Variants in YPEL2 observed in about 807,000 individuals in gnomAD.
The protein encoded by YPEL2 is yippee like 2.
In YPEL2, 2 loss-of-function variants were observed where a neutral mutation model predicts 19.1. That is an observed-to-expected ratio of 0.10 (90% CI 0.04 to 0.33). The LOEUF (loss-of-function observed/expected upper bound fraction) is 0.33, where lower values mean the gene tolerates loss of function less well. YPEL2 is among the 10% of genes least tolerant of loss of function. YPEL2 has a pLI of 1.00. For synonymous variants in YPEL2, 52 were observed against 50.0 expected (o/e 1.04, Z -0.17); for missense variants, 66 against 140.7 (o/e 0.47, Z 2.68).
intron 2 of YPEL2, among the ~76,000 whole-genome samples, chr17:59,367,778 G>A (rs181397178): frequency 2.4e-4 from 37 of 152,286 alleles, no homozygotes; most frequent in African/African-American, 6.3e-4. Context: ...AGCCCCAGCC[G>A]TCTAGCACCC....
At chr17:59,349,212 C>A (rs2047773862) in intron 1 of YPEL2, among the ~76,000 whole-genome samples, 1 of 149,950 alleles carries the variant, frequency 6.7e-6, no homozygotes, top group African/African-American at 2.5e-5. Context: ...ATTTTCTTTC[C>A]TAAGAATTGA....
intron 2 of YPEL2, among the ~76,000 whole-genome samples, chr17:59,371,112 C>G (rs1221330759): frequency 6.6e-6 from 1 of 152,170 alleles, no homozygotes; most frequent in East Asian, 1.9e-4. Flanking sequence ...TGGCTGGGCT[C>G]TGGCTGGTGT....
At chr17:59,396,394 A>C (rs1323423144) in intron 4 of YPEL2, among the ~76,000 whole-genome samples, 1 of 152,244 alleles carries the variant, frequency 6.6e-6, no homozygotes, top group African/African-American at 2.4e-5. Context: ...TGCAAATTAT[A>C]ATGTATATTC....
intron 1 of YPEL2, among the ~76,000 whole-genome samples, chr17:59,343,889 A>G (rs1466943213): frequency 2.0e-5 from 3 of 152,216 alleles, no homozygotes; most frequent in African/African-American, 4.8e-5. Flanking sequence ...AAGCTGTCGC[A>G]GTAGTCCAGG....
intron 2 of YPEL2, among the ~76,000 whole-genome samples, chr17:59,375,274 T>C (rs2047915014): frequency 6.6e-6 from 1 of 152,178 alleles, no homozygotes; most frequent in Non-Finnish European, 1.5e-5. Flanking sequence ...TCCTTTGAGA[T>C]CCTTCACTGT....
intron 2 of YPEL2, among the ~76,000 whole-genome samples, chr17:59,379,758 T>C (rs921894576): frequency 3.3e-5 from 5 of 152,198 alleles, no homozygotes; most frequent in Non-Finnish European, 7.3e-5. Context: ...TCTTTTGTAA[T>C]GTGAATTATA....
intron 1 of YPEL2, among the ~76,000 whole-genome samples, chr17:59,340,310 C>CGT (rs1567729660): frequency 1.3e-5 from 2 of 151,806 alleles, no homozygotes; most frequent in Non-Finnish European, 2.9e-5. Flanking sequence ...GGTTTCACTA[C>CGT]GTTGGCCAGG....
At position 59,397,715 on chromosome 17, in the gene YPEL2, T is replaced by C. The variant is rs1691442698; in HGVS notation, c.*525T>C. ...AGGACAAAGAGAAAAAAAAAATACC[T>C]CATGACTGCATTCTCTCTGACTAGA... is the stretch of plus-strand genomic sequence containing the variant. On this transcript the variant is annotated 3_prime_UTR_variant, in exon 5 of 5. Coordinates refer to ENST00000312655, the MANE Select transcript of YPEL2 (RefSeq NM_001005404.4). 6.6e-6 allele frequency: 1 copy of C among 152,202 alleles called. No individual in the cohort carries two copies. Among genetic ancestry groups the C allele is most frequent in the African/African-American group, 2.4e-5 (1 of 41,418 alleles). 9.4% of individuals were successfully genotyped at this position (152,202 alleles called of 1,614,324 possible).
At chr17:59,387,755 C>T (rs2047988088) in intron 2 of YPEL2, among the ~76,000 whole-genome samples, 1 of 152,236 alleles carries the variant, frequency 6.6e-6, no homozygotes, top group African/African-American at 2.4e-5. Context: ...CTCAAAAGAG[C>T]TCCTGTGCTC....
intron 2 of YPEL2, among the ~76,000 whole-genome samples, chr17:59,387,677 G>A (rs914531608): frequency 2.6e-5 from 4 of 152,180 alleles, no homozygotes; most frequent in Non-Finnish European, 4.4e-5. Context: ...TAATATGTAA[G>A]CTAGAGGTTA....
At chr17:59,333,351 C>T (rs1472444324) in intron 1 of YPEL2, among the ~76,000 whole-genome samples, 2 of 152,172 alleles carry the variant, frequency 1.3e-5, no homozygotes, top group African/African-American at 2.4e-5. Context: ...GCTTTGCCGC[C>T]GCAGGTTAGC....
At chr17:59,355,527 T>TA (rs1440647884) in intron 2 of YPEL2, 1 of 152,184 alleles carries the variant, frequency 6.6e-6, no homozygotes, top group Non-Finnish European at 1.5e-5. Flanking sequence ...AATATGCAGG[T>TA]ATGGGTGTTT....
intron 2 of YPEL2, among the ~76,000 whole-genome samples, chr17:59,375,787 A>G (rs954217003): frequency 3.0e-4 from 46 of 152,240 alleles, no homozygotes; most frequent in African/African-American, 7.0e-4. Flanking sequence ...TGCTAAGTCA[A>G]TATGGAATCA....
intron 1 of YPEL2, among the ~76,000 whole-genome samples, chr17:59,333,795 A>G (rs1206139495): frequency 2.0e-5 from 3 of 152,174 alleles, no homozygotes; most frequent in Non-Finnish European, 4.4e-5. Flanking sequence ...GCTACTCCGC[A>G]GATGTTTATT....
At chr17:59,351,018 C>G (rs1248481634) in intron 1 of YPEL2, among the ~76,000 whole-genome samples, 2 of 152,170 alleles carry the variant, frequency 1.3e-5, no homozygotes, top group Admixed American at 6.5e-5. Context: ...TTTCCTTACT[C>G]TAACTCACCA....
chr17:59,368,438 A>C (rs898786766), intron 2 of YPEL2, among the ~76,000 whole-genome samples: 4 of 152,226 alleles, frequency 2.6e-5, no homozygotes, highest in African/African-American at 9.6e-5. Flanking sequence ...ATAGATAAAC[A>C]GTGATAAAAT....
chr17:59,359,124 A>G (rs1353436237), intron 2 of YPEL2, among the ~76,000 whole-genome samples: 1 of 151,792 alleles, frequency 6.6e-6, no homozygotes. Context: ...GGATTTTGCC[A>G]TGTTGGCCAG....
At chr17:59,391,385 C>A (rs1437281338) in intron 4 of YPEL2, among the ~76,000 whole-genome samples, 1 of 151,950 alleles carries the variant, frequency 6.6e-6, no homozygotes, top group East Asian at 1.9e-4. Context: ...TTTGCTGTGA[C>A]CCTAATGCTG....
At chr17:59,337,257 G>A (rs1006992731) in intron 1 of YPEL2, among the ~76,000 whole-genome samples, 2 of 147,722 alleles carry the variant, frequency 1.4e-5, no homozygotes, top group South Asian at 4.2e-4. Flanking sequence ...GTGCAATCTC[G>A]GCTCACTGCA....
Sources: allele counts gnomAD v4.1 joint callset (sites outside exome capture counted in the v4.1 genomes callset), GRCh38; gene constraint gnomAD v4.1.1; transcripts MANE v1.5; gene names NCBI Gene and HGNC (gene_info 2026-07-23, HGNC 2026-07-21).